The following FAAH2 variants were observed in gnomAD, a reference collection of about 807,000 sequenced individuals.
FAAH2 encodes the protein fatty-acid amide hydrolase 2.
Under a neutral mutation model 36.9 loss-of-function variants are expected in FAAH2, and 60 were observed. That is an observed-to-expected ratio of 1.63 (90% CI 1.32 to 2.02). The LOEUF is 2.02. Ranked by LOEUF, FAAH2 falls within the 30% of genes most tolerant of loss-of-function variation. The probability of loss-of-function intolerance (pLI) is 0.00; values close to 1 mark genes in which losing one functional copy is unlikely to be tolerated. For missense variants in FAAH2, 689 were observed against 397.5 expected, an observed-to-expected ratio of 1.73 and a Z score of -6.23; for synonymous variants, 214 against 143.8, an observed-to-expected ratio of 1.49 and a Z score of -3.49.
chrX:57,417,650 T>C (rs2055880099), intron 7 of FAAH2, among the ~76,000 whole-genome samples: 5 of 111,583 alleles, frequency 4.5e-5, no homozygotes, highest in Admixed American at 1.9e-4. Context: ...ATGTGTCCTG[T>C]ATGAGGTGTC....
intron 5 of FAAH2, among the ~76,000 whole-genome samples, chrX:57,349,083 C>CAT (rs757427895): frequency 2.1e-5 from 2 of 95,017 alleles, no homozygotes; most frequent in Non-Finnish European, 4.1e-5. Context: ...TATATATACA[C>CAT]ATATATATAT....
the FAAH2 span, among the ~76,000 whole-genome samples, chrX:57,244,146 G>A: frequency 1.4e-3 from 152 of 107,731 alleles, 1 homozygote; most frequent in African/African-American, 4.9e-3. Flanking sequence ...AAAGGACATC[G>A]AGGTTGAAGA....
At chrX:57,300,604 C>G (rs1033310307) in intron 2 of FAAH2, among the ~76,000 whole-genome samples, 41 of 111,721 alleles carry the variant, frequency 3.7e-4, no homozygotes, top group African/African-American at 1.2e-3. Context: ...CCAAAATTGA[C>G]AAATGGGATC....
the FAAH2 span, among the ~76,000 whole-genome samples, chrX:57,175,776 A>T: frequency 9.0e-6 from 1 of 111,666 alleles, no homozygotes; most frequent in Non-Finnish European, 1.9e-5. Flanking sequence ...GTTGATGGAT[A>T]ACCTCAGCAA....
At chrX:57,191,414 A>G in the FAAH2 span, among the ~76,000 whole-genome samples, 1 of 111,457 alleles carries the variant, frequency 9.0e-6, no homozygotes, top group Non-Finnish European at 1.9e-5. Context: ...TGTAATTTGC[A>G]AATATTTTCC....
chrX:57,249,198 G>A, the FAAH2 span, among the ~76,000 whole-genome samples: 1 of 111,618 alleles, frequency 9.0e-6, no homozygotes, highest in Admixed American at 9.6e-5. Context: ...ATTGTGGCAG[G>A]CCAGGTCTCC....
intron 10 of FAAH2, among the ~76,000 whole-genome samples, chrX:57,454,167 G>T (rs910003577): frequency 1.8e-5 from 2 of 111,837 alleles, no homozygotes; most frequent in Non-Finnish European, 3.8e-5. Flanking sequence ...ACTCTTAAGC[G>T]CCACCTGCTG....
At chrX:57,464,608 A>C (rs1317185719) in intron 10 of FAAH2, among the ~76,000 whole-genome samples, 1 of 109,546 alleles carries the variant, frequency 9.1e-6, no homozygotes, top group Non-Finnish European at 1.9e-5. Context: ...TAGAATCAAC[A>C]AACAGTAACA....
At chrX:57,248,786 T>C in the FAAH2 span, among the ~76,000 whole-genome samples, 1 of 69,428 alleles carries the variant, frequency 1.4e-5, no homozygotes, top group African/African-American at 5.6e-5. Context: ...AAAAATCGAA[T>C]AGTGTGTCTT....
chrX:57,467,714 GA>G (rs1441309393), intron 10 of FAAH2, among the ~76,000 whole-genome samples: 1 of 111,985 alleles, frequency 8.9e-6, no homozygotes, highest in African/African-American at 3.2e-5. Context: ...AACCTCTGCA[GA>G]CTTAAATGTC....
chrX:57,202,372 G>A, the FAAH2 span, among the ~76,000 whole-genome samples: 31 of 112,166 alleles, frequency 2.8e-4, no homozygotes, highest in Non-Finnish European at 5.4e-4. Context: ...GTAACACCAT[G>A]AGTCTCACAG....
At chrX:57,369,697 T>C (rs1340163794) in intron 5 of FAAH2, among the ~76,000 whole-genome samples, 1 of 111,932 alleles carries the variant, frequency 8.9e-6, no homozygotes, top group Non-Finnish European at 1.9e-5. Flanking sequence ...TATCTTTACA[T>C]TAAATGCTTA....
the FAAH2 span, among the ~76,000 whole-genome samples, chrX:57,248,195 C>G: frequency 8.9e-6 from 1 of 112,119 alleles, no homozygotes; most frequent in African/African-American, 3.2e-5. Context: ...AATCAGATTA[C>G]TGAGTAGCAA....
the FAAH2 span, among the ~76,000 whole-genome samples, chrX:57,250,689 C>A: frequency 9.1e-6 from 1 of 109,661 alleles, no homozygotes; most frequent in East Asian, 2.8e-4. Flanking sequence ...ACAATTGATA[C>A]TACAGAATTA....
chrX:57,362,997 G>A (rs1176522457), intron 5 of FAAH2, among the ~76,000 whole-genome samples: 1 of 111,632 alleles, frequency 9.0e-6, no homozygotes, highest in East Asian at 2.8e-4. Flanking sequence ...ATAATTTGAA[G>A]TTGAATAATG....
chrX:57,266,803 C>A, the FAAH2 span, among the ~76,000 whole-genome samples: 3 of 112,416 alleles, frequency 2.7e-5, no homozygotes, highest in Admixed American at 9.4e-5. Context: ...GGTGGAACAG[C>A]AAGCCAGATG....
At chrX:57,484,416 G>T (rs1244010340) in intron 10 of FAAH2, among the ~76,000 whole-genome samples, 1 of 110,973 alleles carries the variant, frequency 9.0e-6, no homozygotes, top group Non-Finnish European at 1.9e-5. Context: ...AAGTGAGGGG[G>T]ATGCACTGCC....
At chrX:57,147,688 G>T in the FAAH2 span, among the ~76,000 whole-genome samples, 1 of 111,673 alleles carries the variant, frequency 9.0e-6, no homozygotes, top group African/African-American at 3.2e-5. Context: ...ACTTTTTGAC[G>T]TAGGTTAACG....
At chrX:57,302,933 A>G (rs916609329) in intron 2 of FAAH2, among the ~76,000 whole-genome samples, 7 of 110,765 alleles carry the variant, frequency 6.3e-5, no homozygotes, top group Non-Finnish European at 1.1e-4. Flanking sequence ...TGGTCTCAGG[A>G]GTCTAGTGCT....
Sources: allele counts gnomAD v4.1 joint callset (sites outside exome capture counted in the v4.1 genomes callset), GRCh38; gene constraint gnomAD v4.1.1; transcripts MANE v1.5; gene names NCBI Gene and HGNC (gene_info 2026-07-23, HGNC 2026-07-21).